Variants in CHLSN observed in about 807,000 individuals in gnomAD.
CHLSN encodes cholesin.
the CHLSN span, among the ~76,000 whole-genome samples, chr7:1,081,635 AG>A: frequency 1.3e-5 from 2 of 152,224 alleles, no homozygotes; most frequent in African/African-American, 4.8e-5. Flanking sequence ...TGCCATACAC[AG>A]CACACAGGCT....
At chr7:1,002,595 C>T in the CHLSN span, among the ~76,000 whole-genome samples, 164 of 50,486 alleles carry the variant, frequency 3.2e-3, 32 homozygotes, top group Middle Eastern at 0.045. Context: ...GTGAGTGGAG[C>T]CCTGTGGGTG....
chr7:1,058,505 G>A, the CHLSN span: 9 of 779,336 alleles, frequency 1.2e-5, no homozygotes, highest in Admixed American at 1.0e-4. Context: ...GGGTGCAGCA[G>A]GTGCTGGCGT....
the CHLSN span, among the ~76,000 whole-genome samples, chr7:1,048,574 T>G: frequency 6.6e-6 from 1 of 152,200 alleles, no homozygotes; most frequent in Non-Finnish European, 1.5e-5. Flanking sequence ...TGGGAAACCC[T>G]ATCAAAGTTA....
At chr7:1,011,953 G>A in the CHLSN span, among the ~76,000 whole-genome samples, 1 of 152,206 alleles carries the variant, frequency 6.6e-6, no homozygotes, top group African/African-American at 2.4e-5. Flanking sequence ...AGGGCTCTGG[G>A]GAGCAAGATT....
the CHLSN span, among the ~76,000 whole-genome samples, chr7:1,065,952 G>A: frequency 1.3e-5 from 2 of 152,216 alleles, no homozygotes; most frequent in East Asian, 3.8e-4. Flanking sequence ...GTGGCCGTCG[G>A]GGTGCCGTCA....
chr7:1,081,186 C>T, the CHLSN span, among the ~76,000 whole-genome samples: 21 of 152,354 alleles, frequency 1.4e-4, no homozygotes, highest in South Asian at 2.1e-4. Context: ...GGGACGGTGC[C>T]GGGCAGTGCC....
the CHLSN span, chr7:1,092,798 A>G: frequency 1.2e-6 from 2 of 1,613,536 alleles, no homozygotes; most frequent in Non-Finnish European, 1.7e-6. Flanking sequence ...GCTGCCCTGA[A>G]GGCCGTCATT....
the CHLSN span, among the ~76,000 whole-genome samples, chr7:1,096,247 G>A: frequency 0.22 from 32,967 of 152,150 alleles, 3,774 homozygotes; most frequent in African/African-American, 0.23. The surrounding 1 kb of genome is among the most constrained non-coding windows in gnomAD (Gnocchi z 4.6). Flanking sequence ...CTGACACGCC[G>A]CCATCTAGCC....
chr7:995,287 G>A, the CHLSN span, among the ~76,000 whole-genome samples: 5 of 152,208 alleles, frequency 3.3e-5, no homozygotes, highest in South Asian at 2.1e-4. Context: ...GGCATCTTTC[G>A]CCAGGGAGCC....
the CHLSN span, among the ~76,000 whole-genome samples, chr7:1,107,150 G>A: frequency 2.0e-5 from 3 of 151,744 alleles, no homozygotes; most frequent in Non-Finnish European, 2.9e-5. Context: ...AGCCACAGAG[G>A]AAGCCATGTG....
At chr7:1,042,906 C>T in the CHLSN span, among the ~76,000 whole-genome samples, 1 of 152,142 alleles carries the variant, frequency 6.6e-6, no homozygotes, top group African/African-American at 2.4e-5. Flanking sequence ...AATCCTGGCT[C>T]CACGGCCTGC....
At chr7:982,507 C>T in the CHLSN span, among the ~76,000 whole-genome samples, 1 of 152,272 alleles carries the variant, frequency 6.6e-6, no homozygotes. Flanking sequence ...CCGCCACCTG[C>T]CACCCGGCAG....
At chr7:1,031,170 C>G in the CHLSN span, among the ~76,000 whole-genome samples, 15 of 152,208 alleles carry the variant, frequency 9.9e-5, no homozygotes, top group Non-Finnish European at 7.3e-5. Flanking sequence ...CTTCCGTACA[C>G]GGGATGCCGT....
chr7:1,039,344 C>T, the CHLSN span, among the ~76,000 whole-genome samples: 9 of 44,750 alleles, frequency 2.0e-4, no homozygotes, highest in Non-Finnish European at 2.6e-4. Flanking sequence ...CCCGGCCAGC[C>T]GCCCCGTCCG....
At chr7:1,089,756 C>T in the CHLSN span, among the ~76,000 whole-genome samples, 97,592 of 142,964 alleles carry the variant, frequency 0.68, 34,025 homozygotes, top group African/African-American at 0.86. Context: ...AATAGGTCAA[C>T]AAATCTCTAG....
chr7:1,135,786 T>C, the CHLSN span, among the ~76,000 whole-genome samples: 1 of 95,110 alleles, frequency 1.1e-5, no homozygotes, highest in African/African-American at 5.2e-5. Context: ...TATATATATA[T>C]ATATATACAC....
the CHLSN span, among the ~76,000 whole-genome samples, chr7:1,078,438 G>A: frequency 6.6e-6 from 1 of 152,154 alleles, no homozygotes; most frequent in Non-Finnish European, 1.5e-5. Context: ...GGGGCCCCGT[G>A]AGACCTGGGG....
the CHLSN span, among the ~76,000 whole-genome samples, chr7:1,070,990 A>ATG: frequency 1.3e-5 from 2 of 150,492 alleles, no homozygotes; most frequent in Non-Finnish European, 3.0e-5. Flanking sequence ...ACACGGGCAC[A>ATG]CACACACGTG....
chr7:985,523 C>G, the CHLSN span, among the ~76,000 whole-genome samples: 1 of 152,204 alleles, frequency 6.6e-6, no homozygotes, highest in East Asian at 1.9e-4. Context: ...CCTGTGCTCT[C>G]CAGGAAATGG....
Sources: gnomAD v4.1 joint callset for allele counts (sites outside exome capture counted in the v4.1 genomes callset) on GRCh38, gnomAD v4.1.1 for gene constraint, Gnocchi (gnomAD v3.1) non-coding constraint, MANE v1.5 for transcripts, NCBI Gene and HGNC (gene_info 2026-07-23, HGNC 2026-07-21) for gene names.